Variants in PDE4A observed in about 807,000 individuals in gnomAD.
PDE4A encodes 3',5'-cyclic-AMP phosphodiesterase 4A.
In PDE4A, 21 loss-of-function variants were observed where a neutral mutation model predicts 73.9. The observed-to-expected ratio is 0.28, with a 90% CI of 0.20 to 0.41. PDE4A has a LOEUF of 0.41. Ranked by LOEUF, PDE4A falls within the 10% of genes least tolerant of loss-of-function variation. The pLI, the probability that PDE4A is intolerant of heterozygous loss-of-function variation, is 1.00. For synonymous variants in PDE4A, 463 were observed against 505.4 expected (o/e 0.92, Z 1.13); for missense variants, 958 against 1,211.4 (o/e 0.79, Z 3.10).
At position 10,424,694 on chromosome 19, in the gene PDE4A, G is replaced by A. The variant is rs2042693575; in HGVS notation, c.320+3610G>A. Among the ~76,000 whole-genome samples, 1 of 152,258 alleles carries A rather than the reference G, an allele frequency of 6.6e-6. No homozygotes were observed. Among genetic ancestry groups the A allele is most frequent in the Admixed American group, 6.5e-5 (1 of 15,292 alleles). On this transcript the variant is annotated intron_variant, in intron 1 of 14. Transcript: ENST00000380702. The surrounding 1 kb of genome is among the most constrained non-coding windows in gnomAD (Gnocchi z 4.8). The stretch of plus-strand genomic sequence containing the variant: ...GGGGTCCTCGCCCTCCCGGGCTTGG[G>A]ACCAGGCCGCTTTCCCCATGCGCCA...
chr19:10,426,873 A>G (rs1273503616), intron 1 of PDE4A, among the ~76,000 whole-genome samples: 1 of 151,922 alleles, frequency 6.6e-6, no homozygotes, highest in African/African-American at 2.4e-5. Flanking sequence ...GTCTCAAAAA[A>G]AAAAAAAGAA....
intron 1 of PDE4A, chr19:10,428,904 C>A: frequency 1.0e-6 from 1 of 982,016 alleles, no homozygotes; most frequent in East Asian, 1.1e-4. Flanking sequence ...GAATTCGAGA[C>A]CAACCTGGCC....
At chr19:10,460,414 G>T (rs565468352) in intron 10 of PDE4A, among the ~76,000 whole-genome samples, 2 of 151,734 alleles carry the variant, frequency 1.3e-5, no homozygotes, top group East Asian at 3.9e-4. Context: ...CAGGAGAATC[G>T]CTGGAACCCA....
At chr19:10,428,503 T>C (rs1338231559) in intron 1 of PDE4A, among the ~76,000 whole-genome samples, 1 of 152,188 alleles carries the variant, frequency 6.6e-6, no homozygotes, top group Non-Finnish European at 1.5e-5. Context: ...ATCATCATCA[T>C]CTATACCCTC....
intron 1 of PDE4A, chr19:10,427,781 C>T (rs893189286): frequency 3.2e-5 from 31 of 982,432 alleles, no homozygotes; most frequent in Admixed American, 1.2e-4. Context: ...GCTGATCTGA[C>T]GAACTGGCAA....
chr19:10,420,992 G>A lies in PDE4A; in HGVS notation c.228G>A (p.Arg76=), dbSNP rs1475351641. Residue 76 remains arginine (R), a synonymous_variant, in exon 1 of 15, where the codon CGG becomes CGA. Transcript: ENST00000380702. The surrounding 1 kb of genome is among the most constrained non-coding windows in gnomAD (Gnocchi z 6.0). ...ERADAMDTSD[R]PGLRTTRMSW... ...CCGATGCCATGGACACCAGCGACCG[G>A]CCCGGCCTGCGCACGACCCGCATGT... The A allele has an allele frequency of 2.0e-6, 3 of 1,528,006 alleles. No individual in the cohort carries two copies. Among genetic ancestry groups the A allele is most frequent in the Admixed American group, 4.0e-5 (2 of 50,188 alleles). 94.7% of individuals were successfully genotyped at this position (1,528,006 alleles called of 1,614,324 possible).
intron 14 of PDE4A, among the ~76,000 whole-genome samples, chr19:10,465,612 A>G (rs560828787): frequency 1.2e-4 from 18 of 151,322 alleles, no homozygotes; most frequent in Non-Finnish European, 2.4e-4. Context: ...CCCCATGGAA[A>G]ACTAATTTTA....
chr19:10,453,412 G>A lies in PDE4A; in HGVS notation c.784-1417G>A, dbSNP rs143831480. ...TGGGCTTGTGTGTGCAGCTGTGCACGTGTGTGGCCTGGAGATGAAGCCTTG... is the reference window on the plus strand; with the variant it reads ...TGGGCTTGTGTGTGCAGCTGTGCACATGTGTGGCCTGGAGATGAAGCCTTG... On this transcript the variant is annotated intron_variant, in intron 6 of 14. Coordinates refer to ENST00000380702, the MANE Select transcript of PDE4A (RefSeq NM_001111307.2). This position sits in a 1 kb window ranked among gnomAD's most constrained non-coding sequence, Gnocchi z 4.6. 1.8e-5 allele frequency: 27 copies of A among 1,472,520 alleles called. No individual in the cohort carries two copies. Among genetic ancestry groups the A allele is most frequent in the Non-Finnish European group, 2.3e-5 (25 of 1,096,606 alleles). 91.2% of individuals were successfully genotyped at this position (1,472,520 alleles called of 1,614,324 possible). A position where few individuals can be genotyped will look rare whatever the true frequency, so the allele number is the denominator to read the frequency against.
intron 1 of PDE4A, chr19:10,431,128 G>A (rs748982072): frequency 7.4e-7 from 1 of 1,352,844 alleles, no homozygotes; most frequent in East Asian, 2.8e-5. Flanking sequence ...GTCGCCCCTG[G>A]CCACCTGGCG....
intron 1 of PDE4A, among the ~76,000 whole-genome samples, chr19:10,422,130 T>C (rs1358599888): frequency 6.6e-6 from 1 of 152,062 alleles, no homozygotes; most frequent in African/African-American, 2.4e-5. Context: ...CTGTTTCTGC[T>C]CCTAGGACAG....
chr19:10,436,900 G>A (rs1461959457), intron 1 of PDE4A, among the ~76,000 whole-genome samples: 1 of 152,096 alleles, frequency 6.6e-6, no homozygotes, highest in Non-Finnish European at 1.5e-5. Flanking sequence ...TTAGCCAGGT[G>A]TAGTGGCGCA....
chr19:10,420,355 G>C (rs906558139), upstream of PDE4A: 1 of 978,384 alleles, frequency 1.0e-6, no homozygotes, highest in African/African-American at 1.8e-5. This position sits in a 1 kb window ranked among gnomAD's most constrained non-coding sequence, Gnocchi z 6.0. Flanking sequence ...AGCCCGGAGC[G>C]GGGATCTGCG....
chr19:10,459,144 C>T, intron 8 of PDE4A: 1 of 533,172 alleles, frequency 1.9e-6, no homozygotes, highest in South Asian at 2.3e-5. Context: ...TTGGTGCCTT[C>T]ACCTGCCAAA....
At chr19:10,459,197 C>T in intron 8 of PDE4A, 1 of 858,750 alleles carries the variant, frequency 1.2e-6, no homozygotes, top group East Asian at 2.7e-5. Flanking sequence ...ATCATAAGTA[C>T]TCAAAAGACA....
chr19:10,465,559 C>T (rs903382337), intron 14 of PDE4A, among the ~76,000 whole-genome samples: 10 of 151,914 alleles, frequency 6.6e-5, no homozygotes, highest in African/African-American at 2.4e-4. Flanking sequence ...TGCCTCCAGA[C>T]ATTGCCAAAT....
intron 1 of PDE4A, among the ~76,000 whole-genome samples, chr19:10,438,209 T>C (rs912499606): frequency 6.7e-6 from 1 of 149,024 alleles, no homozygotes; most frequent in African/African-American, 2.5e-5. Context: ...GCCTCCCGGG[T>C]TCAAGCGATT....
At chr19:10,451,027 G>A (rs1043852281) in intron 6 of PDE4A, 86 bp downstream of exon 6, 1 of 1,320,906 alleles carries the variant, frequency 7.6e-7, no homozygotes. Flanking sequence ...GGGACCAGTG[G>A]GCGCGGCCTG....
At position 10,453,172 on chromosome 19, in the gene PDE4A, G is replaced by A; in HGVS notation, c.784-1657G>A. On this transcript the variant is annotated intron_variant, in intron 6 of 14. Transcript: ENST00000380702. This position sits in a 1 kb window ranked among gnomAD's most constrained non-coding sequence, Gnocchi z 4.6. ...CGGCTCCCCCTTCCACTACCCACCTGCCCGGCACCCCCTCCCCAGTGGTTG... is the reference window on the plus strand; with the variant it reads ...CGGCTCCCCCTTCCACTACCCACCTACCCGGCACCCCCTCCCCAGTGGTTG... 1 of 1,472,916 alleles carries A rather than the reference G, an allele frequency of 6.8e-7. No individual in the cohort carries two copies. The highest frequency in any genetic ancestry group is 9.0e-7 in the Non-Finnish European group (1 of 1,108,610). 91.2% of individuals were successfully genotyped at this position (1,472,916 alleles called of 1,614,324 possible). A position where few individuals can be genotyped will look rare whatever the true frequency, so the allele number is the denominator to read the frequency against.
chr19:10,444,911 G>T (rs2145518855), intron 1 of PDE4A, among the ~76,000 whole-genome samples: 1 of 152,224 alleles, frequency 6.6e-6, no homozygotes, highest in Middle Eastern at 3.4e-3. Flanking sequence ...GACCTTCAGT[G>T]ATCTGCCCAC....
Sources: allele counts gnomAD v4.1 joint callset (sites outside exome capture counted in the v4.1 genomes callset), GRCh38; gene constraint gnomAD v4.1.1; non-coding constraint Gnocchi (gnomAD v3.1); transcripts MANE v1.5; gene names NCBI Gene and HGNC (gene_info 2026-07-23, HGNC 2026-07-21).